HHAT: variants seen among roughly 807,000 people sequenced by gnomAD.
HHAT encodes the protein hedgehog acyltransferase.
A neutral mutation model predicts 70.8 loss-of-function variants in HHAT; 47 were observed. The observed-to-expected ratio is 0.66, with a 90% confidence interval of 0.53 to 0.85. HHAT has a LOEUF of 0.85. HHAT is among the 40% of genes least tolerant of loss of function. The pLI is 0.00. For synonymous variants in HHAT, 228 were observed against 247.6 expected (o/e 0.92, Z 0.74); for missense variants, 609 against 604.8 (o/e 1.01, Z -0.07).
intron 11 of HHAT, among the ~76,000 whole-genome samples, chr1:210,664,692 G>A (rs1331412867): frequency 1.4e-5 from 2 of 138,376 alleles, no homozygotes; most frequent in East Asian, 4.4e-4. Context: ...TGGACCAGTG[G>A]ATCCAAAGAG....
At chr1:210,401,411 G>A (rs61826890) in intron 5 of HHAT, among the ~76,000 whole-genome samples, 28,729 of 152,070 alleles carry the variant, frequency 0.19, 2,874 homozygotes, top group African/African-American at 0.26. Flanking sequence ...CATTGTGCCC[G>A]GCCAGGAACA....
chr1:210,586,803 C>T (rs1660544756), intron 9 of HHAT, among the ~76,000 whole-genome samples: 1 of 152,198 alleles, frequency 6.6e-6, no homozygotes, highest in South Asian at 2.1e-4. Flanking sequence ...TTTCCAGGTC[C>T]TAACAGCTCA....
intron 3 of HHAT, among the ~76,000 whole-genome samples, chr1:210,376,448 A>G (rs1044256451): frequency 3.9e-5 from 6 of 152,134 alleles, no homozygotes; most frequent in Admixed American, 3.9e-4. Context: ...TCTTGTCTGA[A>G]AGCAGACGTC....
chr1:210,520,914 AG>A (rs1177059645), intron 9 of HHAT, among the ~76,000 whole-genome samples: 1 of 152,198 alleles, frequency 6.6e-6, no homozygotes, highest in African/African-American at 2.4e-5. Context: ...TTTTGTCCTA[AG>A]GAGAATGTCT....
At chr1:210,486,510 C>T (rs934011856) in intron 8 of HHAT, among the ~76,000 whole-genome samples, 6 of 152,168 alleles carry the variant, frequency 3.9e-5, no homozygotes, top group African/African-American at 1.4e-4. Context: ...ATCTGCAGCT[C>T]TGTGTACTTA....
At chr1:210,579,095 G>A (rs1658587936) in intron 9 of HHAT, among the ~76,000 whole-genome samples, 1 of 152,130 alleles carries the variant, frequency 6.6e-6, no homozygotes, top group African/African-American at 2.4e-5. Flanking sequence ...GGAGCTAAAA[G>A]ATAAGGACAC....
chr1:210,387,462 A>G lies in HHAT; in HGVS notation c.160-6A>G, dbSNP rs374401259. The G allele has an allele frequency of 1.6e-5, 25 of 1,612,790 alleles. No homozygotes were observed. The African/African-American group carries it at 2.5e-4, about 16-fold the overall frequency. On this transcript the variant is annotated splice_region_variant and splice_polypyrimidine_tract_variant and intron_variant, in intron 3 of 11. Transcript: ENST00000261458. ...TCCCTCTGATAAACTATTTTGTCCT[A>G]TTTAGGATGCGACCGACTTTGAGTG...
chr1:210,501,588 CT>C (rs2094755136), intron 8 of HHAT, among the ~76,000 whole-genome samples: 1 of 152,252 alleles, frequency 6.6e-6, no homozygotes, highest in Admixed American at 6.5e-5. Context: ...GCAGAAGCAG[CT>C]AACAAAACCC....
At chr1:210,497,956 A>G (rs1380841703) in intron 8 of HHAT, among the ~76,000 whole-genome samples, 1 of 151,872 alleles carries the variant, frequency 6.6e-6, no homozygotes, top group Non-Finnish European at 1.5e-5. Flanking sequence ...AGTAGAGGCT[A>G]ATGTTGGCCA....
At chr1:210,361,975 G>T (rs1309825362) in intron 2 of HHAT, among the ~76,000 whole-genome samples, 3 of 152,122 alleles carry the variant, frequency 2.0e-5, no homozygotes, top group African/African-American at 7.2e-5. Flanking sequence ...ATCTTCCCCA[G>T]CATACAGTAA....
upstream of HHAT, chr1:210,328,454 G>T (rs921335876): frequency 7.9e-5 from 12 of 152,368 alleles, 1 homozygote; most frequent in African/African-American, 2.9e-4. Flanking sequence ...GAAAAGCAGG[G>T]AAGTCTATTT....
intron 6 of HHAT, among the ~76,000 whole-genome samples, chr1:210,407,281 A>G (rs918147774): frequency 2.0e-5 from 3 of 152,242 alleles, no homozygotes; most frequent in Non-Finnish European, 2.9e-5. Flanking sequence ...GAATGCTTGA[A>G]TGAATGCATG....
chr1:210,354,195 CTTTTTTTTTTTTTT>C (rs71146220), intron 2 of HHAT, among the ~76,000 whole-genome samples: 4 of 102,608 alleles, frequency 3.9e-5, no homozygotes, highest in Non-Finnish European at 7.5e-5. Flanking sequence ...AACATAATGT[CTTTTTTTTTTTTTT>C]TTTTTTTTTT....
intron 7 of HHAT, among the ~76,000 whole-genome samples, chr1:210,430,637 C>CA (rs966109313): frequency 5.3e-5 from 8 of 151,868 alleles, no homozygotes; most frequent in East Asian, 1.9e-4. Flanking sequence ...AACATTTTGA[C>CA]AAAAAATCAC....
chr1:210,615,975 T>A (rs1476526977), intron 10 of HHAT, among the ~76,000 whole-genome samples: 1 of 152,198 alleles, frequency 6.6e-6, no homozygotes, highest in Non-Finnish European at 1.5e-5. Flanking sequence ...CAGTTGGAAA[T>A]GCAGAAATCA....
intron 7 of HHAT, among the ~76,000 whole-genome samples, chr1:210,451,733 C>T (rs896242676): frequency 1.3e-5 from 2 of 152,272 alleles, no homozygotes; most frequent in African/African-American, 4.8e-5. Flanking sequence ...CATGCATTAC[C>T]ATGCCTGACT....
At chr1:210,530,353 A>T (rs1354924458) in intron 9 of HHAT, among the ~76,000 whole-genome samples, 1 of 152,196 alleles carries the variant, frequency 6.6e-6, no homozygotes, top group Non-Finnish European at 1.5e-5. Context: ...AACATGAGTA[A>T]AGGGGTATAA....
intron 7 of HHAT, among the ~76,000 whole-genome samples, chr1:210,448,239 G>T (rs1324513261): frequency 2.0e-5 from 3 of 151,994 alleles, no homozygotes; most frequent in Non-Finnish European, 4.4e-5. Context: ...CTGCCACCAT[G>T]CCTGGCTAAT....
intron 7 of HHAT, chr1:210,463,091 C>T (rs1383525468): frequency 6.6e-6 from 1 of 151,956 alleles, no homozygotes. Flanking sequence ...TGTGGCAGAC[C>T]CACTGCCTCC....
Sources: allele counts gnomAD v4.1 joint callset (sites outside exome capture counted in the v4.1 genomes callset), GRCh38; gene constraint gnomAD v4.1.1; transcripts MANE v1.5; gene names NCBI Gene and HGNC (gene_info 2026-07-23, HGNC 2026-07-21).